The following CBL variants were observed in gnomAD, a reference collection of about 807,000 sequenced individuals.
CBL encodes Cbl proto-oncogene, also known as E3 ubiquitin-protein ligase CBL.
Under a neutral mutation model 96.9 loss-of-function variants are expected in CBL, and 45 were observed. The observed-to-expected ratio is 0.46, with a 90% confidence interval of 0.37 to 0.60. The LOEUF (loss-of-function observed/expected upper bound fraction) is 0.60, where lower values mean the gene tolerates loss of function less well. Among genes scored for constraint, CBL ranks in the 20% least tolerant of loss-of-function variants. The pLI, the probability that CBL is intolerant of heterozygous loss-of-function variation, is 0.00. For synonymous variants in CBL, 420 were observed against 426.8 expected (o/e 0.98, Z 0.20); for missense variants, 1,024 against 1,143.5 (o/e 0.90, Z 1.51).
chr11:119,238,119 A>G (rs1297994934), intron 2 of CBL, among the ~76,000 whole-genome samples: 1 of 151,750 alleles, frequency 6.6e-6, no homozygotes, highest in Non-Finnish European at 1.5e-5. Flanking sequence ...TGATCTGCCC[A>G]CTGCAGCCTC....
chr11:119,251,638 T>C (rs1949670352), intron 2 of CBL, among the ~76,000 whole-genome samples: 1 of 152,190 alleles, frequency 6.6e-6, no homozygotes, highest in South Asian at 2.1e-4. Context: ...TATGTTCACA[T>C]AACGAGAGTT....
rs1950160786 is a variant in CBL at position 119,307,867 on chromosome 11, A to C, written c.*8086A>C. 2.0e-5 allele frequency: 4 copies of C among 202,720 alleles called. No homozygotes were observed. In the South Asian group the frequency reaches 7.6e-4, roughly 39 times the overall value. 12.6% of individuals were successfully genotyped at this position (202,720 alleles called of 1,614,324 possible). On this transcript the variant is annotated 3_prime_UTR_variant, in exon 16 of 16. Coordinates refer to ENST00000264033, the MANE Select transcript of CBL (RefSeq NM_005188.4). ...GGACTATTTTAAAAATGTGTCATTA[A>C]TATAAAAAATTTATATTAGCAGTAT...
At chr11:119,292,577 A>C (rs905269071) in intron 12 of CBL, among the ~76,000 whole-genome samples, 3 of 151,782 alleles carry the variant, frequency 2.0e-5, no homozygotes, top group South Asian at 2.1e-4. Context: ...CCCGCCACCA[A>C]GCCCAGCTAA....
chr11:119,267,120 T>C (rs1222677441), intron 2 of CBL, among the ~76,000 whole-genome samples: 1 of 152,258 alleles, frequency 6.6e-6, no homozygotes, highest in Non-Finnish European at 1.5e-5. Context: ...CAAAATGCTC[T>C]GACCCATGGA....
intron 1 of CBL, among the ~76,000 whole-genome samples, chr11:119,224,329 C>A (rs1219537145): frequency 1.3e-5 from 2 of 152,080 alleles, no homozygotes; most frequent in Non-Finnish European, 2.9e-5. Flanking sequence ...CCTAGAACAG[C>A]TAGGAGGTTA....
At position 119,206,382 on chromosome 11, in the gene CBL, C is replaced by T. The variant is rs755014204; in HGVS notation, c.-36C>T. 3 of 1,458,988 alleles carry T rather than the reference C, an allele frequency of 2.1e-6. No homozygotes were observed. Among genetic ancestry groups the T allele is most frequent in the Admixed American group, 2.3e-5 (1 of 42,978 alleles). 90.4% of individuals were successfully genotyped at this position (1,458,988 alleles called of 1,614,324 possible). A position where few individuals can be genotyped will look rare whatever the true frequency, so the allele number is the denominator to read the frequency against. On this transcript the variant is annotated 5_prime_UTR_variant, in exon 1 of 16. Coordinates refer to ENST00000264033, the MANE Select transcript of CBL (RefSeq NM_005188.4). Reference sequence around the variant, plus strand: ...TCCCTCGCTCGCAGTCGAGCCGAGCCGGCGGACCCGCCTGGGCTCCGACCC... The same window carrying T: ...TCCCTCGCTCGCAGTCGAGCCGAGCTGGCGGACCCGCCTGGGCTCCGACCC...
chr11:119,255,404 A>AT (rs1565866068), intron 2 of CBL, among the ~76,000 whole-genome samples: 1 of 152,180 alleles, frequency 6.6e-6, no homozygotes, highest in African/African-American at 2.4e-5. Flanking sequence ...TAAGATGGAG[A>AT]TAAAAAGCTG....
rs2276083 is a variant in CBL, at chr11:119,274,564, A to G, written c.748-268A>G. On this transcript the variant is annotated intron_variant, in intron 4 of 15. Transcript: ENST00000264033. ...CTGGTTTTCAGTTTGTTGTTGTTCA[A>G]CCCCACTACTGTTAATTAGAGCTGC... Among the ~76,000 whole-genome samples the G allele has an allele frequency of 0.28, 42,163 of 151,956 alleles. 6,299 individuals carry two copies. Among genetic ancestry groups the G allele is most frequent in the South Asian group, 0.59 (2,847 of 4,832 alleles).
At chr11:119,267,472 A>G (rs1452909437) in intron 2 of CBL, among the ~76,000 whole-genome samples, 1 of 152,218 alleles carries the variant, frequency 6.6e-6, no homozygotes, top group Non-Finnish European at 1.5e-5. Context: ...TTTAAGAGCC[A>G]AAGATAACCA....
intron 1 of CBL, among the ~76,000 whole-genome samples, chr11:119,223,223 A>C (rs1949425208): frequency 8.0e-6 from 1 of 125,056 alleles, no homozygotes. Flanking sequence ...TTAAAGAGAC[A>C]GATCTTGCCA....
intron 3 of CBL, 112 bp from the exon 4 acceptor site, chr11:119,273,756 T>G (rs747096448): frequency 1.1e-6 from 1 of 905,844 alleles, no homozygotes. Context: ...TTACGAGAAT[T>G]GAAATTGGTA....
chr11:119,260,201 G>T (rs1255509964), intron 2 of CBL, among the ~76,000 whole-genome samples: 2 of 151,462 alleles, frequency 1.3e-5, no homozygotes, highest in African/African-American at 4.9e-5. Flanking sequence ...TGATGAGCAT[G>T]GATTGATTAT....
At position 119,307,717 on chromosome 11, in the gene CBL, A is replaced by C. The variant is rs1427218018; in HGVS notation, c.*7936A>C. 1 of 223,968 alleles carries C rather than the reference A, an allele frequency of 4.5e-6. No individual in the cohort carries two copies. Among genetic ancestry groups the C allele is most frequent in the African/African-American group, 2.2e-5 (1 of 44,826 alleles). The allele number at this position is 223,968 out of a possible 1,614,324, so 13.9% of individuals were successfully genotyped here. On this transcript the variant is annotated 3_prime_UTR_variant, in exon 16 of 16. Transcript: ENST00000264033. ...GAAATTTTAAAGTCCTCCTTATTCA[A>C]GATTTTGAAATTCTTAGCCTGGGAG... is the stretch of plus-strand genomic sequence containing the variant.
intron 1 of CBL, among the ~76,000 whole-genome samples, chr11:119,210,628 T>TA (rs1483313813): frequency 6.8e-6 from 1 of 147,836 alleles, no homozygotes; most frequent in Admixed American, 6.8e-5. Flanking sequence ...TTTTTTTTTT[T>TA]ACTAGAGACG....
intron 2 of CBL, among the ~76,000 whole-genome samples, chr11:119,237,512 C>A (rs1949554776): frequency 6.6e-6 from 1 of 152,054 alleles, no homozygotes; most frequent in African/African-American, 2.4e-5. Context: ...TATAGTTTTA[C>A]CTCTTGTATT....
At chr11:119,244,873 G>T (rs1357338566) in intron 2 of CBL, among the ~76,000 whole-genome samples, 1 of 151,552 alleles carries the variant, frequency 6.6e-6, no homozygotes, top group Non-Finnish European at 1.5e-5. Flanking sequence ...GTGAGACAGG[G>T]TCTTGCTTTG....
rs267606706 is a variant in CBL at position 119,278,181 on chromosome 11, T to C, written c.1111T>C (p.Tyr371His). ...TTAATCAAAGGAACAATATGAATTA[T>C]ACTGTGAGATGGGCTCCACATTCCA... Reference protein sequence around the residue: ...IKVTQEQYELYCEMGSTFQLC... With the variant: ...IKVTQEQYELHCEMGSTFQLC... The change falls in exon 8 of 16, where the codon TAC (tyrosine) becomes CAC (histidine). Residue 371 changes from tyrosine to histidine, a missense_variant. Coordinates refer to ENST00000264033, the MANE Select transcript of CBL (RefSeq NM_005188.4). 2.5e-6 allele frequency: 4 copies of C among 1,602,246 alleles called. No homozygotes were observed. The highest frequency in any genetic ancestry group is 2.2e-5 in the East Asian group (1 of 44,846).
At position 119,249,666 on chromosome 11, in the gene CBL, CTTT is replaced by C. The variant is rs767462998; in HGVS notation, c.443+16982_443+16984del. On this transcript the variant is annotated intron_variant, in intron 2 of 15. Coordinates refer to ENST00000264033, the MANE Select transcript of CBL (RefSeq NM_005188.4). ...TTTGGTACAGTTTCTTTCTTTCTTT[CTTT>C]TTTTTTTTTTAATTGAGACAGGGTC... Among the ~76,000 whole-genome samples the C allele has an allele frequency of 3.8e-5, 4 of 106,098 alleles. No individual in the cohort carries two copies. The South Asian group carries it at 1.5e-3, about 39-fold the overall frequency. 69.6% of individuals were successfully genotyped at this position (106,098 alleles called of 152,430 possible). A position where few individuals can be genotyped will look rare whatever the true frequency, so the allele number is the denominator to read the frequency against.
chr11:119,263,235 T>G (rs1485048648), intron 2 of CBL, among the ~76,000 whole-genome samples: 1 of 152,188 alleles, frequency 6.6e-6, no homozygotes, highest in East Asian at 1.9e-4. Flanking sequence ...AAAGGTGAAT[T>G]AGGACTACAT....
Sources: allele counts gnomAD v4.1 joint callset (sites outside exome capture counted in the v4.1 genomes callset), GRCh38; gene constraint gnomAD v4.1.1; transcripts MANE v1.5; gene names NCBI Gene and HGNC (gene_info 2026-07-23, HGNC 2026-07-21).